Variants in MBTD1 observed in about 807,000 individuals in gnomAD.
MBTD1 encodes mbt domain containing 1, also known as MBT domain-containing protein 1.
In MBTD1, 24 loss-of-function variants were observed where a neutral mutation model predicts 87.8. That is an observed-to-expected ratio of 0.27 (90% CI 0.20 to 0.38). The LOEUF is 0.38. Ranked by LOEUF, MBTD1 falls within the 10% of genes least tolerant of loss-of-function variation. MBTD1 has a pLI of 1.00. For missense variants in MBTD1, 436 were observed against 760.2 expected, an observed-to-expected ratio of 0.57 and a Z score of 5.02; for synonymous variants, 237 against 248.6, an observed-to-expected ratio of 0.95 and a Z score of 0.44.
At position 51,195,285 on chromosome 17, in the gene MBTD1, T is replaced by C; in HGVS notation, c.1301A>G (p.His434Arg). ...AGGGAAAATAGAAGGAGAGGTTGCA[T>C]GGTAACAGAACCAGTCAGATCCGTC... Reference protein sequence around the residue: ...AADGSDWFCYHATSPSIFPVG... With the variant: ...AADGSDWFCYRATSPSIFPVG... Residue 434 changes from histidine to arginine, a missense_variant, in exon 13 of 17, where the codon CAT (histidine) becomes CGT (arginine). His to Arg is a conservative substitution (Grantham distance 29). This residue lies in a region of MBTD1 where 268 missense variants were observed against 401.8 expected (regional missense o/e 0.67). Coordinates refer to ENST00000586178, the MANE Select transcript of MBTD1 (RefSeq NM_017643.3). 6.2e-7 allele frequency: 1 copy of C among 1,613,588 alleles called. No individual in the cohort carries two copies. Among genetic ancestry groups the C allele is most frequent in the South Asian group, 1.1e-5 (1 of 90,970 alleles).
chr17:51,220,498 GATATA>G (rs1183438185), intron 3 of MBTD1, 35 bp from the exon 4 acceptor site: 5 of 1,480,006 alleles, frequency 3.4e-6, no homozygotes, highest in African/African-American at 1.4e-5. Flanking sequence ...GTGTTATGAT[GATATA>G]ATAAAATCAA....
intron 2 of MBTD1, among the ~76,000 whole-genome samples, chr17:51,247,833 T>C (rs2054538773): frequency 6.6e-6 from 1 of 152,254 alleles, no homozygotes; most frequent in African/African-American, 2.4e-5. Context: ...TCAGGCAGAA[T>C]TCCCCTGTGA....
intron 2 of MBTD1, among the ~76,000 whole-genome samples, chr17:51,245,848 G>T (rs1472155956): frequency 6.6e-6 from 1 of 152,000 alleles, no homozygotes; most frequent in African/African-American, 2.4e-5. Context: ...TTTTCCAAGT[G>T]CACTTCAAGT....
At chr17:51,254,339 T>A (rs1237994980) in intron 2 of MBTD1, among the ~76,000 whole-genome samples, 1 of 152,186 alleles carries the variant, frequency 6.6e-6, no homozygotes, top group Non-Finnish European at 1.5e-5. Flanking sequence ...AGCTTACTGT[T>A]ACGAGGAACA....
intron 11 of MBTD1, among the ~76,000 whole-genome samples, 150 bp downstream of exon 11, chr17:51,201,850 AAATAGAATTTAAGAATAATTAT>A (rs1387743763): frequency 1.3e-5 from 2 of 152,236 alleles, no homozygotes; most frequent in Non-Finnish European, 2.9e-5. Flanking sequence ...GAATTCAGAC[AAATAGAATTTAAGAATAATTAT>A]AATAAAGAGT....
At chr17:51,258,692 G>C (rs1480830425) in intron 2 of MBTD1, among the ~76,000 whole-genome samples, 4 of 152,136 alleles carry the variant, frequency 2.6e-5, no homozygotes, top group Non-Finnish European at 5.9e-5. Flanking sequence ...AAACAAATGT[G>C]TTTTGTGATA....
intron 2 of MBTD1, among the ~76,000 whole-genome samples, chr17:51,229,277 T>C (rs2053421360): frequency 6.6e-6 from 1 of 152,208 alleles, no homozygotes; most frequent in Admixed American, 6.5e-5. Context: ...CCTATCCTTT[T>C]TCTTTTGCTA....
chr17:51,192,073 C>T, intron 16 of MBTD1, 130 bp downstream of exon 16: 1 of 707,958 alleles, frequency 1.4e-6, no homozygotes, highest in Non-Finnish European at 2.4e-6. Context: ...TGGCATACTG[C>T]ACCTTTAAGC....
At chr17:51,206,023 C>T (rs1299008888) in intron 7 of MBTD1, among the ~76,000 whole-genome samples, 2 of 152,124 alleles carry the variant, frequency 1.3e-5, no homozygotes, top group African/African-American at 2.4e-5. Flanking sequence ...AGTATCTTGT[C>T]ATATTAATAC....
At chr17:51,242,953 T>C (rs2144054978) in intron 2 of MBTD1, among the ~76,000 whole-genome samples, 1 of 152,312 alleles carries the variant, frequency 6.6e-6, no homozygotes, top group Middle Eastern at 3.4e-3. Context: ...TAGTACTCCA[T>C]TGTGTATGTT....
In MBTD1 at chr17:51,235,394, T is replaced by TC. The variant is rs773568868; in HGVS notation, c.-48-10186dup. On this transcript the variant is annotated intron_variant, in intron 2 of 16. Transcript: ENST00000586178. The stretch of plus-strand genomic sequence containing the variant: ...CTCAGGTAATCCACCCACCTCAGCC[T>TC]CCCAAAGTGCTGGAATTACAGGTGT... Among the ~76,000 whole-genome samples, 3 of 152,262 alleles carry TC rather than the reference T, an allele frequency of 2.0e-5. No individual in the cohort carries two copies. The East Asian group carries it at 5.8e-4, about 29-fold the overall frequency.
intron 5 of MBTD1, among the ~76,000 whole-genome samples, chr17:51,218,075 T>C (rs963904924): frequency 1.3e-5 from 2 of 152,196 alleles, no homozygotes; most frequent in Non-Finnish European, 2.9e-5. Context: ...GTGAGATACC[T>C]ACCCCATATC....
At chr17:51,241,035 G>C (rs893998287) in intron 2 of MBTD1, among the ~76,000 whole-genome samples, 7 of 152,022 alleles carry the variant, frequency 4.6e-5, no homozygotes, top group African/African-American at 1.7e-4. Flanking sequence ...CTGGAGTGCA[G>C]TGGCGTGATT....
intron 16 of MBTD1, among the ~76,000 whole-genome samples, chr17:51,191,302 C>T (rs76491856): frequency 4.1e-3 from 587 of 143,118 alleles, no homozygotes; most frequent in Non-Finnish European, 7.2e-3. Flanking sequence ...GCTCTTGTTG[C>T]CCAGGCTAGA....
At chr17:51,190,771 A>ATATATATATATATATATATAT (rs1555677217) in intron 16 of MBTD1, among the ~76,000 whole-genome samples, 1 of 133,676 alleles carries the variant, frequency 7.5e-6, no homozygotes, top group African/African-American at 3.1e-5. Flanking sequence ...ATATATATAT[A>ATATATATATATATATATATAT]ACCTTATCTA....
Position 51,201,688 on chromosome 17 carries a change from T to C in MBTD1, c.1128A>G (p.Glu376=). Residue 376 remains glutamate, a synonymous_variant, in exon 12 of 17, where the codon GAA becomes GAG. Transcript: ENST00000586178. ...TPPHLFAKVK[E]VDQSGEWFKE... ...TGAACCATTCCCCACTCTGGTCTACTTCTTTTACCTAAAGAATTATATGAA... is the reference window on the plus strand; with the variant it reads ...TGAACCATTCCCCACTCTGGTCTACCTCTTTTACCTAAAGAATTATATGAA... 1 of 1,588,856 alleles carries C rather than the reference T, an allele frequency of 6.3e-7. No individual in the cohort carries two copies. Among genetic ancestry groups the C allele is most frequent in the Non-Finnish European group, 8.6e-7 (1 of 1,158,682 alleles).
chr17:51,248,337 G>T (rs902096517), intron 2 of MBTD1, among the ~76,000 whole-genome samples: 1 of 152,080 alleles, frequency 6.6e-6, no homozygotes, highest in African/African-American at 2.4e-5. Flanking sequence ...ATTTTCCTCT[G>T]CTCACTGCTT....
chr17:51,204,871 TGTGG>T, intron 7 of MBTD1, among the ~76,000 whole-genome samples: 1 of 152,234 alleles, frequency 6.6e-6, no homozygotes, highest in Non-Finnish European at 1.5e-5. Flanking sequence ...GTAATTTGAA[TGTGG>T]CTACTTTAAG....
At position 51,213,423 on chromosome 17, in the gene MBTD1, T is replaced by C. The variant is rs150901005; in HGVS notation, c.486+3911A>G. Among the ~76,000 whole-genome samples, 528 of 152,262 alleles carry C rather than the reference T, an allele frequency of 3.5e-3. 6 individuals are homozygous for C. The highest frequency in any genetic ancestry group is 0.012 in the African/African-American group (486 of 41,550). On this transcript the variant is annotated intron_variant, in intron 6 of 16. Transcript: ENST00000586178. ...TAAATTACTAATAGAAAATAATCTG[T>C]GAATTTCTTTGATCTATACATTGCA...
Sources: gnomAD v4.1 joint callset for allele counts (sites outside exome capture counted in the v4.1 genomes callset) on GRCh38, gnomAD v4.1.1 for gene constraint, gnomAD v4.1.1 regional missense constraint, MANE v1.5 for transcripts, NCBI Gene and HGNC (gene_info 2026-07-23, HGNC 2026-07-21) for gene names.